The following ATN1 variants were observed in gnomAD, a reference collection of about 807,000 sequenced individuals.
The protein encoded by ATN1 is atrophin 1, also known as atrophin-1.
A neutral mutation model predicts 85.8 loss-of-function variants in ATN1; 19 were observed. The observed-to-expected ratio is 0.22, with a 90% CI of 0.15 to 0.32. ATN1 has a LOEUF of 0.32. Ranked by LOEUF, ATN1 falls within the 10% of genes least tolerant of loss-of-function variation. ATN1 has a pLI of 1.00. For synonymous variants in ATN1, 674 were observed against 657.0 expected (o/e 1.03, Z -0.39); for missense variants, 1,453 against 1,564.5 (o/e 0.93, Z 1.20).
At position 6,936,126 on chromosome 12, in the gene ATN1, T is replaced by A. The variant is rs1565565935; in HGVS notation, c.859T>A (p.Ser287Thr). 7 of 1,530,516 alleles carry A rather than the reference T, an allele frequency of 4.6e-6. No homozygotes were observed. The Admixed American group carries it at 6.3e-5, about 14-fold the overall frequency. 94.8% of individuals were successfully genotyped at this position (1,530,516 alleles called of 1,614,324 possible). A position where few individuals can be genotyped will look rare whatever the true frequency, so the allele number is the denominator to read the frequency against. ...TTPVGGGNLP[S>T]APPPANFPHV... is the part of the protein sequence containing the mutation. ...TCCAGTGGGTGGTGGGAACCTACCTTCTGCTCCACCACCAGCCAACTTCCC... is the reference window on the plus strand; with the variant it reads ...TCCAGTGGGTGGTGGGAACCTACCTACTGCTCCACCACCAGCCAACTTCCC... Residue 287 changes from serine to threonine, a missense_variant, in exon 5 of 10, where the codon TCT becomes ACT. By Grantham distance (58) the Ser-to-Thr change is moderately conservative. Coordinates refer to ENST00000396684, the MANE Select transcript of ATN1 (RefSeq NM_001940.4).
At chr12:6,940,843 G>A (rs782019388) in intron 7 of ATN1, 37 bp from the exon 8 acceptor site, 37 of 1,613,902 alleles carry the variant, frequency 2.3e-5, no homozygotes, top group African/African-American at 2.0e-4. Flanking sequence ...CCCCAAACCT[G>A]CCTTCTGGTG....
rs963297349 is a variant in ATN1 at position 6,941,435 on chromosome 12, G to C, written c.3420G>C (p.Leu1140=). The change falls in exon 9 of 10, where the codon CTG becomes CTC. Residue 1140 remains leucine, a synonymous_variant. Coordinates refer to ENST00000396684, the MANE Select transcript of ATN1 (RefSeq NM_001940.4). The surrounding 1 kb of genome is among the most constrained non-coding windows in gnomAD (Gnocchi z 5.9). ...CCCCGATGTCAGCAGCTCATCAGCT[G>C]CAGGCCATGCACGCACAGTCAGCTG... ...LSAPMSAAHQ[L]QAMHAQSAEL... 3.1e-6 allele frequency: 5 copies of C among 1,611,486 alleles called. No homozygotes were observed. The African/African-American group carries it at 6.7e-5, about 22-fold the overall frequency.
rs1591665455 is a variant in ATN1 at position 6,937,956 on chromosome 12, G to A, written c.2406G>A (p.Lys802=). ...AGAAGCGGGCCGACCTGGTGGAGAAGGTGCGGCGCGAGGCCGAGCAGCGCG... is the reference window on the plus strand; with the variant it reads ...AGAAGCGGGCCGACCTGGTGGAGAAAGTGCGGCGCGAGGCCGAGCAGCGCG... ...LAKKRADLVE[K]VRREAEQRAR... The change falls in exon 6 of 10, where the codon AAG becomes AAA. Residue 802 remains lysine, a synonymous_variant. Coordinates refer to ENST00000396684, the MANE Select transcript of ATN1 (RefSeq NM_001940.4). The surrounding 1 kb of genome is among the most constrained non-coding windows in gnomAD (Gnocchi z 6.0). 3 of 1,572,662 alleles carry A rather than the reference G, an allele frequency of 1.9e-6. No homozygotes were observed. The highest frequency in any genetic ancestry group is 2.4e-5 in the East Asian group (1 of 41,850).
chr12:6,937,574 G>C lies in ATN1; in HGVS notation c.2294+13G>C. The stretch of plus-strand genomic sequence containing the variant: ...GTCAGTCTGCCAGGTGAGCGGCCAG[G>C]TGGGGCGGAGGTGGGCCTGGAAAGG... On this transcript the variant is annotated intron_variant, in intron 5 of 9. Coordinates refer to ENST00000396684, the MANE Select transcript of ATN1 (RefSeq NM_001940.4). The surrounding 1 kb of genome is among the most constrained non-coding windows in gnomAD (Gnocchi z 6.0). The C allele has an allele frequency of 6.7e-7, 1 of 1,483,728 alleles. No homozygotes were observed. Among genetic ancestry groups the C allele is most frequent in the African/African-American group, 1.4e-5 (1 of 70,720 alleles). 91.9% of individuals were successfully genotyped at this position (1,483,728 alleles called of 1,614,324 possible).
intron 1 of ATN1, among the ~76,000 whole-genome samples, chr12:6,929,696 G>A (rs1945437800): frequency 6.6e-6 from 1 of 152,176 alleles, no homozygotes; most frequent in Non-Finnish European, 1.5e-5. Context: ...GTTGGAACAG[G>A]TAGATACGTT....
rs782565332 is a variant in ATN1, at chr12:6,936,731, G to A, written c.1464G>A (p.Gln488=). Residue 488 remains glutamine (Q), a synonymous_variant, in exon 5 of 10, where the codon CAG becomes CAA. Transcript: ENST00000396684. ...ACCATCACCACCAGCAACAGCAACA[G>A]CAGCAGCAGCAGCAGCAGCAGCAGC... ...THHHHHQQQQ[Q]QQQQQQQQQQ... The A allele has an allele frequency of 1.8e-4, 90 of 487,400 alleles. No individual in the cohort carries two copies. In the African/African-American group the frequency reaches 6.4e-3, roughly 35 times the overall value. 30.2% of individuals were successfully genotyped at this position (487,400 alleles called of 1,614,324 possible).
In ATN1 at chr12:6,934,115, C is replaced by T; in HGVS notation, c.28-61C>T. The T allele has an allele frequency of 1.2e-6, 2 of 1,613,730 alleles. No individual in the cohort carries two copies. On this transcript the variant is annotated intron_variant, in intron 2 of 9. Coordinates refer to ENST00000396684, the MANE Select transcript of ATN1 (RefSeq NM_001940.4). The surrounding 1 kb of genome is among the most constrained non-coding windows in gnomAD (Gnocchi z 4.5). ...CTAGAGAAGAAGAACAAATAATGTG[C>T]ACCATAAAGTTAGGTGCAATGTAAA...
Position 6,933,312 on chromosome 12 carries a change from G to A in ATN1, c.-162-528G>A, listed in dbSNP as rs745374099. ...GCTCACTGCAACCTCTGCCTCCCAGGTTCAAGTGATTTGCTTGCCTCAGCC... is the reference window on the plus strand; with the variant it reads ...GCTCACTGCAACCTCTGCCTCCCAGATTCAAGTGATTTGCTTGCCTCAGCC... On this transcript the variant is annotated intron_variant, in intron 1 of 9. Coordinates refer to ENST00000396684, the MANE Select transcript of ATN1 (RefSeq NM_001940.4). Among the ~76,000 whole-genome samples the A allele has an allele frequency of 1.0e-3, 156 of 151,850 alleles. 1 individual carries two copies. Among genetic ancestry groups the A allele is most frequent in the Non-Finnish European group, 1.4e-3 (97 of 67,976 alleles).
In ATN1 at chr12:6,934,728, G is replaced by C; in HGVS notation, c.279+150G>C. On this transcript the variant is annotated intron_variant, in intron 4 of 9. Coordinates refer to ENST00000396684, the MANE Select transcript of ATN1 (RefSeq NM_001940.4). The surrounding 1 kb of genome is among the most constrained non-coding windows in gnomAD (Gnocchi z 4.5). ...ATGAGAGCAGTTCTGTCTATAATAT[G>C]CCAGAGAGATTCTTAGAGCTTTGAC... The C allele has an allele frequency of 1.6e-6, 1 of 635,594 alleles. No homozygotes were observed. Among genetic ancestry groups the C allele is most frequent in the Non-Finnish European group, 2.7e-6 (1 of 365,824 alleles). The allele number at this position is 635,594 out of a possible 1,614,324, so 39.4% of individuals were successfully genotyped here.
Position 6,934,611 on chromosome 12 carries a change from T to C in ATN1, c.279+33T>C. On this transcript the variant is annotated intron_variant, in intron 4 of 9. Transcript: ENST00000396684. This position sits in a 1 kb window ranked among gnomAD's most constrained non-coding sequence, Gnocchi z 4.5. The stretch of plus-strand genomic sequence containing the variant: ...ACCCTTGTCGCCATCCTGACCCATC[T>C]TGTGACCATTCTTTTCTCAGACTTG... The C allele has an allele frequency of 6.8e-7, 1 of 1,462,534 alleles. No homozygotes were observed. Among genetic ancestry groups the C allele is most frequent in the South Asian group, 1.2e-5 (1 of 82,208 alleles). 90.6% of individuals were successfully genotyped at this position (1,462,534 alleles called of 1,614,324 possible). A position where few individuals can be genotyped will look rare whatever the true frequency, so the allele number is the denominator to read the frequency against.
chr12:6,933,249 C>G (rs782368940), intron 1 of ATN1, among the ~76,000 whole-genome samples: 4 of 150,444 alleles, frequency 2.7e-5, no homozygotes, highest in Non-Finnish European at 5.9e-5. Flanking sequence ...CAGAGTCTTA[C>G]TCTGTCACCC....
Position 6,934,494 on chromosome 12 carries a change from A to C in ATN1, c.195A>C (p.Pro65=), listed in dbSNP as rs1555143349. The change falls in exon 4 of 10, where the codon CCA becomes CCC. Residue 65 remains proline (P), a synonymous_variant. Coordinates refer to ENST00000396684, the MANE Select transcript of ATN1 (RefSeq NM_001940.4). The surrounding 1 kb of genome is among the most constrained non-coding windows in gnomAD (Gnocchi z 4.5). ...CCCGAGTAGAGGAAGCCTCCACCCC[A>C]AAGGTCAACAAGCAGGGTCGGAGTG... ...KKARVEEAST[P]KVNKQGRSEE... is the part of the protein sequence containing the mutation. 3.1e-6 allele frequency: 5 copies of C among 1,591,498 alleles called. No individual in the cohort carries two copies. Among genetic ancestry groups the C allele is most frequent in the Non-Finnish European group, 8.6e-7 (1 of 1,168,482 alleles).
chr12:6,937,316 G>T lies in ATN1; in HGVS notation c.2049G>T (p.Gly683=). The T allele has an allele frequency of 1.3e-6, 2 of 1,576,966 alleles. No individual in the cohort carries two copies. The highest frequency in any genetic ancestry group is 4.7e-5 in the East Asian group (2 of 42,206). Reference sequence around the variant, plus strand: ...GAACCTCGCCACCTGCAGGCCCAGGGACCTTCAAGCCGGGCTCGCCCACCG... The same window carrying T: ...GAACCTCGCCACCTGCAGGCCCAGGTACCTTCAAGCCGGGCTCGCCCACCG... ...YRGTSPPAGP[G]TFKPGSPTVG... Residue 683 remains glycine (G), a synonymous_variant, in exon 5 of 10, where the codon GGG becomes GGT. Transcript: ENST00000396684. The surrounding 1 kb of genome is among the most constrained non-coding windows in gnomAD (Gnocchi z 6.0).
Position 6,941,579 on chromosome 12 carries a change from G to T in ATN1, c.3539+25G>T. 1 of 1,612,160 alleles carries T rather than the reference G, an allele frequency of 6.2e-7. No homozygotes were observed. Among genetic ancestry groups the T allele is most frequent in the South Asian group, 1.1e-5 (1 of 91,060 alleles). On this transcript the variant is annotated intron_variant, in intron 9 of 9. Coordinates refer to ENST00000396684, the MANE Select transcript of ATN1 (RefSeq NM_001940.4). The surrounding 1 kb of genome is among the most constrained non-coding windows in gnomAD (Gnocchi z 5.9). ...GGTACCCTAGGGTGCCCCAGCCCAG[G>T]GGACATGGGCTCAGCGAGCCTGGGA...
rs782093932 is a variant in ATN1 at position 6,937,334 on chromosome 12, G to A, written c.2067G>A (p.Ser689=). ...GCCCAGGGACCTTCAAGCCGGGCTCGCCCACCGTGGGACCTGGGCCCCTGC... is the reference window on the plus strand; with the variant it reads ...GCCCAGGGACCTTCAAGCCGGGCTCACCCACCGTGGGACCTGGGCCCCTGC... ...PAGPGTFKPG[S]PTVGPGPLPP... The change falls in exon 5 of 10, where the codon TCG becomes TCA. Residue 689 remains serine (S), a synonymous_variant. Coordinates refer to ENST00000396684, the MANE Select transcript of ATN1 (RefSeq NM_001940.4). This position sits in a 1 kb window ranked among gnomAD's most constrained non-coding sequence, Gnocchi z 6.0. The A allele has an allele frequency of 3.9e-6, 6 of 1,557,780 alleles. No homozygotes were observed. Among genetic ancestry groups the A allele is most frequent in the Non-Finnish European group, 5.2e-6 (6 of 1,152,712 alleles).
rs1555143347 is a variant in ATN1 at position 6,934,484 on chromosome 12, C to T, written c.185C>T (p.Ala62Val). ...TAACAGAAGGCCCGAGTAGAGGAAG[C>T]CTCCACCCCAAAGGTCAACAAGCAG... Reference protein sequence around the residue: ...QTAKKARVEEASTPKVNKQGR... With the variant: ...QTAKKARVEEVSTPKVNKQGR... The change falls in exon 4 of 10, where the codon GCC becomes GTC. Residue 62 changes from alanine to valine, a missense_variant. This residue lies in a region of ATN1 where 130 missense variants were observed against 158.2 expected (regional missense o/e 0.82). Coordinates refer to ENST00000396684, the MANE Select transcript of ATN1 (RefSeq NM_001940.4). The surrounding 1 kb of genome is among the most constrained non-coding windows in gnomAD (Gnocchi z 4.5). The T allele has an allele frequency of 6.3e-7, 1 of 1,592,268 alleles. No homozygotes were observed. The highest frequency in any genetic ancestry group is 8.6e-7 in the Non-Finnish European group (1 of 1,168,922).
chr12:6,938,546 T>A lies in ATN1; in HGVS notation c.2583T>A (p.Pro861=). 6.2e-7 allele frequency: 1 copy of A among 1,614,160 alleles called. No homozygotes were observed. Among genetic ancestry groups the A allele is most frequent in the Non-Finnish European group, 8.5e-7 (1 of 1,179,968 alleles). Residue 861 remains proline, a synonymous_variant, in exon 7 of 10, where the codon CCT becomes CCA. Coordinates refer to ENST00000396684, the MANE Select transcript of ATN1 (RefSeq NM_001940.4). ...CPSLGPVPHR[P]PFEPGSAVAT... is the part of the protein sequence containing the mutation. ...CTCTGGGCCCAGTGCCCCATCGCCC[T>A]CCATTTGAACCGGGCAGTGCGGTGG...
chr12:6,926,265 G>A (rs986242124), upstream of ATN1, among the ~76,000 whole-genome samples: 1 of 152,094 alleles, frequency 6.6e-6, no homozygotes, highest in African/African-American at 2.4e-5. Flanking sequence ...GTCTTCACCC[G>A]ACTGCTTCCC....
chr12:6,937,649 G>A lies in ATN1; in HGVS notation c.2294+88G>A, dbSNP rs373651716. The A allele has an allele frequency of 3.5e-6, 5 of 1,433,050 alleles. No individual in the cohort carries two copies. The highest frequency in any genetic ancestry group is 4.6e-6 in the Non-Finnish European group (5 of 1,091,822). The allele number at this position is 1,433,050 out of a possible 1,614,324, so 88.8% of individuals were successfully genotyped here. ...AGAGGGAGTAGCAGGGAGGGGCCTT[G>A]CGCTGGTGTAGTGTTTTAGAAAAGC... On this transcript the variant is annotated intron_variant, in intron 5 of 9. Coordinates refer to ENST00000396684, the MANE Select transcript of ATN1 (RefSeq NM_001940.4). The surrounding 1 kb of genome is among the most constrained non-coding windows in gnomAD (Gnocchi z 6.0).
Sources: allele counts gnomAD v4.1 joint callset (sites outside exome capture counted in the v4.1 genomes callset), GRCh38; gene constraint gnomAD v4.1.1; regional missense constraint gnomAD v4.1.1; non-coding constraint Gnocchi (gnomAD v3.1); transcripts MANE v1.5; gene names NCBI Gene and HGNC (gene_info 2026-07-23, HGNC 2026-07-21).